The following ZBTB5 variants were observed in gnomAD, a reference collection of about 807,000 sequenced individuals.
ZBTB5 encodes zinc finger and BTB domain-containing protein 5.
Under a neutral mutation model 37.9 loss-of-function variants are expected in ZBTB5, and 15 were observed. That is an observed-to-expected ratio of 0.40 (90% CI 0.26 to 0.61). The LOEUF (loss-of-function observed/expected upper bound fraction) is 0.61, where lower values mean the gene tolerates loss of function less well. ZBTB5 is among the 20% of genes least tolerant of loss of function. The probability of loss-of-function intolerance (pLI) is 0.47; values close to 1 mark genes in which losing one functional copy is unlikely to be tolerated. For synonymous variants in ZBTB5, 315 were observed against 312.4 expected, an observed-to-expected ratio of 1.01 and a Z score of -0.09; for missense variants, 708 against 856.8, an observed-to-expected ratio of 0.83 and a Z score of 2.17.
rs1823776399 is a variant in ZBTB5, at chr9:37,438,578, C to CA, written c.*1939dup. 2 of 152,324 alleles carry CA rather than the reference C, an allele frequency of 1.3e-5. No individual in the cohort carries two copies. The highest frequency in any genetic ancestry group is 4.1e-4 in the South Asian group (2 of 4,824). 9.4% of individuals were successfully genotyped at this position (152,324 alleles called of 1,614,324 possible). A position where few individuals can be genotyped will look rare whatever the true frequency, so the allele number is the denominator to read the frequency against. On this transcript the variant is annotated 3_prime_UTR_variant, in exon 2 of 2. Coordinates refer to ENST00000307750, the MANE Select transcript of ZBTB5 (RefSeq NM_014872.3). ...GGCAGGCTCCTGGCACCACCTCCTC[C>CA]AAATGGAAGGGAAGGAGGGCTGCAC...
intron 1 of ZBTB5, among the ~76,000 whole-genome samples, chr9:37,450,275 G>A (rs146103003): frequency 8.6e-5 from 13 of 151,798 alleles, no homozygotes; most frequent in Non-Finnish European, 1.3e-4. Context: ...CCGAGACAAC[G>A]AACCCCAGGT....
rs1420542339 is a variant in ZBTB5 at position 37,440,295 on chromosome 9, AG to A, written c.*222del. On this transcript the variant is annotated 3_prime_UTR_variant, in exon 2 of 2. Transcript: ENST00000307750. ...TTTCTGACTGCATTACTCAACCCCAAGGAAGCACCTGGTTTCAGGGATTGCA... is the reference window on the plus strand; with the variant it reads ...TTTCTGACTGCATTACTCAACCCCAAGAAGCACCTGGTTTCAGGGATTGCA... 3.7e-6 allele frequency: 2 copies of A among 541,102 alleles called. No individual in the cohort carries two copies. Among genetic ancestry groups the A allele is most frequent in the East Asian group, 3.0e-5 (1 of 33,748 alleles). The allele number at this position is 541,102 out of a possible 1,614,324, so 33.5% of individuals were successfully genotyped here.
intron 1 of ZBTB5, among the ~76,000 whole-genome samples, chr9:37,460,772 G>T (rs184584209): frequency 6.6e-6 from 1 of 152,096 alleles, no homozygotes; most frequent in African/African-American, 2.4e-5. Flanking sequence ...GAGGCTGGGT[G>T]GGGGAGGGTT....
chr9:37,458,718 TAA>T, intron 1 of ZBTB5, among the ~76,000 whole-genome samples: 1 of 152,336 alleles, frequency 6.6e-6, no homozygotes, highest in Middle Eastern at 3.4e-3. Flanking sequence ...TTACATTGTA[TAA>T]TAAATGAGTC....
intron 1 of ZBTB5, among the ~76,000 whole-genome samples, chr9:37,460,341 C>G (rs1399361171): frequency 2.6e-5 from 4 of 151,540 alleles, no homozygotes; most frequent in Non-Finnish European, 5.9e-5. Context: ...GGGGCTGAGG[C>G]AGGAGAATCG....
chr9:37,440,455 C>A lies in ZBTB5; in HGVS notation c.*63G>T, dbSNP rs917041817. 1 of 1,507,356 alleles carries A rather than the reference C, an allele frequency of 6.6e-7. No homozygotes were observed. Among genetic ancestry groups the A allele is most frequent in the Admixed American group, 1.8e-5 (1 of 55,252 alleles). 93.4% of individuals were successfully genotyped at this position (1,507,356 alleles called of 1,614,324 possible). ...GAAGCCTCGAACCCAAAGGCATTAA[C>A]TGCTTACCAAAAGAAATTCAGTCTG... On this transcript the variant is annotated 3_prime_UTR_variant, in exon 2 of 2. Transcript: ENST00000307750.
intron 1 of ZBTB5, among the ~76,000 whole-genome samples, chr9:37,461,669 A>C (rs1824295711): frequency 6.6e-6 from 1 of 152,190 alleles, no homozygotes; most frequent in Non-Finnish European, 1.5e-5. Flanking sequence ...CGGAGGTTGC[A>C]GTGACCCGAG....
At chr9:37,455,722 C>T (rs1310304205) in intron 1 of ZBTB5, among the ~76,000 whole-genome samples, 1 of 152,188 alleles carries the variant, frequency 6.6e-6, no homozygotes, top group Non-Finnish European at 1.5e-5. Context: ...GAGAACTCTC[C>T]CATTTCATCA....
chr9:37,449,922 T>G (rs1241291366), intron 1 of ZBTB5, among the ~76,000 whole-genome samples: 1 of 152,102 alleles, frequency 6.6e-6, no homozygotes, highest in Non-Finnish European at 1.5e-5. Context: ...TCTTCCCTTC[T>G]CTTTTTCAGC....
intron 1 of ZBTB5, among the ~76,000 whole-genome samples, chr9:37,458,026 G>T (rs1824224019): frequency 6.6e-6 from 1 of 152,156 alleles, no homozygotes; most frequent in Non-Finnish European, 1.5e-5. Context: ...TTAAGTTTAA[G>T]CAGCACATCA....
Position 37,441,860 on chromosome 9 carries a change from T to G in ZBTB5, c.692A>C (p.Glu231Ala), listed in dbSNP as rs775577667. 1 of 1,614,116 alleles carries G rather than the reference T, an allele frequency of 6.2e-7. No homozygotes were observed. The highest frequency in any genetic ancestry group is 8.5e-7 in the Non-Finnish European group (1 of 1,180,028). Reference sequence around the variant, plus strand: ...TTTCAGAGAATCTGGTGAAAAGAACTCCTCCCGAGAATGAACCCCTGAAGG... The same window carrying G: ...TTTCAGAGAATCTGGTGAAAAGAACGCCTCCCGAGAATGAACCCCTGAAGG... ...NGPSGVHSRE[E>A]FFSPDSLKIV... The change falls in exon 2 of 2, where the codon GAG becomes GCG. Residue 231 changes from glutamate (E) to alanine (A), a missense_variant. Transcript: ENST00000307750.
Position 37,441,419 on chromosome 9 carries a change from C to G in ZBTB5, c.1133G>C (p.Ser378Thr). ...IDLSPESSDRSFSDPQSSTDR... is the reference protein window; with the variant it reads ...IDLSPESSDRTFSDPQSSTDR... ...TGTGCTAGACTGGGGATCTGAAAAA[C>G]TCCGATCACTGCTTTCAGGGCTGAG... is the stretch of plus-strand genomic sequence containing the variant. Residue 378 changes from serine to threonine, a missense_variant, in exon 2 of 2, where the codon AGT becomes ACT. Physicochemically the swap from Ser to Thr is moderately conservative, Grantham distance 58. Coordinates refer to ENST00000307750, the MANE Select transcript of ZBTB5 (RefSeq NM_014872.3). The G allele has an allele frequency of 6.2e-7, 1 of 1,613,850 alleles. No individual in the cohort carries two copies. Among genetic ancestry groups the G allele is most frequent in the East Asian group, 2.2e-5 (1 of 44,846 alleles).
Position 37,440,930 on chromosome 9 carries a change from T to C in ZBTB5, c.1622A>G (p.Lys541Arg). The change falls in exon 2 of 2, where the codon AAA becomes AGA. Residue 541 changes from lysine (K) to arginine (R), a missense_variant. Transcript: ENST00000307750. ...CCTGACGGAAGTTACAACTGGCATT[T>C]TGGGAGCTATGCGGCGGTAGTAAGG... ...NFPYYRRIAP[K>R]MPVVTSVRSS... is the part of the protein sequence containing the mutation. The C allele has an allele frequency of 6.2e-7, 1 of 1,614,182 alleles. No homozygotes were observed. The highest frequency in any genetic ancestry group is 8.5e-7 in the Non-Finnish European group (1 of 1,180,020).
At chr9:37,457,366 T>G (rs1260851544) in intron 1 of ZBTB5, among the ~76,000 whole-genome samples, 3 of 152,156 alleles carry the variant, frequency 2.0e-5, no homozygotes, top group African/African-American at 7.2e-5. Flanking sequence ...TCCCAAATAC[T>G]GGTACTACAG....
chr9:37,461,556 T>C (rs1459929126), intron 1 of ZBTB5, among the ~76,000 whole-genome samples: 4 of 152,132 alleles, frequency 2.6e-5, no homozygotes, highest in Non-Finnish European at 5.9e-5. Context: ...GGCGAAACCC[T>C]GTCTCTACCA....
At chr9:37,448,973 G>A (rs1430988807) in intron 1 of ZBTB5, among the ~76,000 whole-genome samples, 4 of 151,580 alleles carry the variant, frequency 2.6e-5, no homozygotes, top group African/African-American at 4.8e-5. Context: ...GAACCCAGAA[G>A]GCGGAGAGTG....
At chr9:37,455,631 C>T (rs1824173058) in intron 1 of ZBTB5, among the ~76,000 whole-genome samples, 1 of 152,224 alleles carries the variant, frequency 6.6e-6, no homozygotes, top group Non-Finnish European at 1.5e-5. Flanking sequence ...CTGTGCTCCT[C>T]CTCCTGTAAA....
Position 37,441,062 on chromosome 9 carries a change from T to C in ZBTB5, c.1490A>G (p.Gln497Arg). Residue 497 changes from glutamine to arginine, a missense_variant, in exon 2 of 2, where the codon CAA becomes CGA. Coordinates refer to ENST00000307750, the MANE Select transcript of ZBTB5 (RefSeq NM_014872.3). The stretch of plus-strand genomic sequence containing the variant: ...GTCCATCCCAAACTGTTCTCCTCCT[T>C]GGTAGCCTGAAGTCTGCACACACGG... Reference protein sequence around the residue: ...GLPCVQTSGYQGGEQFGMDFS... With the variant: ...GLPCVQTSGYRGGEQFGMDFS... 1.9e-6 allele frequency: 3 copies of C among 1,614,128 alleles called. No individual in the cohort carries two copies. Among genetic ancestry groups the C allele is most frequent in the Non-Finnish European group, 2.5e-6 (3 of 1,180,020 alleles).
intron 1 of ZBTB5, among the ~76,000 whole-genome samples, chr9:37,461,554 C>T (rs897655211): frequency 2.6e-5 from 4 of 152,132 alleles, no homozygotes; most frequent in African/African-American, 7.2e-5. Context: ...ATGGCGAAAC[C>T]CTGTCTCTAC....
Sources: allele counts gnomAD v4.1 joint callset (sites outside exome capture counted in the v4.1 genomes callset), GRCh38; gene constraint gnomAD v4.1.1; transcripts MANE v1.5; gene names NCBI Gene and HGNC (gene_info 2026-07-23, HGNC 2026-07-21).